FNDC3A: variants seen among roughly 807,000 people sequenced by gnomAD.
FNDC3A encodes fibronectin type III domain containing 3A.
FNDC3A carries 32 observed loss-of-function variants against 148.9 expected under a neutral mutation model. The observed-to-expected ratio is 0.21, with a 90% CI of 0.16 to 0.29. The LOEUF is 0.29. FNDC3A is among the 10% of genes least tolerant of loss of function. The pLI is 1.00. For missense variants in FNDC3A, 1,191 were observed against 1,452.8 expected, an observed-to-expected ratio of 0.82 and a Z score of 2.93; for synonymous variants, 472 against 473.6, an observed-to-expected ratio of 1.00 and a Z score of 0.04.
chr13:49,147,393 T>C (rs1883054143), intron 8 of FNDC3A, among the ~76,000 whole-genome samples: 1 of 152,146 alleles, frequency 6.6e-6, no homozygotes. Context: ...ACATATTTAT[T>C]TTTCATCATA....
chr13:49,155,207 G>A (rs1012369817), intron 8 of FNDC3A, among the ~76,000 whole-genome samples: 1 of 152,076 alleles, frequency 6.6e-6, no homozygotes, highest in African/African-American at 2.4e-5. Flanking sequence ...CCTGTTATTG[G>A]TCTATTCAGG....
At chr13:48,983,689 A>G (rs575604181) in intron 1 of FNDC3A, among the ~76,000 whole-genome samples, 2 of 152,332 alleles carry the variant, frequency 1.3e-5, no homozygotes, top group East Asian at 1.9e-4. Flanking sequence ...GGCATTAAAC[A>G]CTTTCTGTAT....
chr13:49,128,505 C>A (rs1473747102), intron 4 of FNDC3A, among the ~76,000 whole-genome samples: 1 of 152,100 alleles, frequency 6.6e-6, no homozygotes, highest in African/African-American at 2.4e-5. Context: ...TGCACCTCCC[C>A]CACTGCCCCG....
intron 2 of FNDC3A, among the ~76,000 whole-genome samples, chr13:49,033,139 A>G (rs1310157978): frequency 6.6e-6 from 1 of 152,200 alleles, no homozygotes; most frequent in Non-Finnish European, 1.5e-5. Flanking sequence ...ATATACTGAC[A>G]TATTCCAAGA....
chr13:49,134,095 T>C (rs1019718882), intron 5 of FNDC3A, among the ~76,000 whole-genome samples: 1 of 152,206 alleles, frequency 6.6e-6, no homozygotes, highest in Non-Finnish European at 1.5e-5. Context: ...ATTCAGTATG[T>C]ACTGTATTAA....
rs375957129 is a variant in FNDC3A at position 48,995,637 on chromosome 13, A to T, written c.-39-10515A>T. ...TTATGTCTTCATAAAATTTCACATT[A>T]ACATATGGACATTTAAGGTGAACTG... On this transcript the variant is annotated intron_variant, in intron 1 of 25. Transcript: ENST00000492622. 9.5e-4 allele frequency among the ~76,000 whole-genome samples: 145 copies of T among 152,330 alleles called. 1 individual carries two copies. Among genetic ancestry groups the T allele is most frequent in the African/African-American group, 3.3e-3 (139 of 41,578 alleles).
intron 2 of FNDC3A, among the ~76,000 whole-genome samples, chr13:49,072,399 A>G (rs1877756864): frequency 6.6e-6 from 1 of 152,100 alleles, no homozygotes; most frequent in Non-Finnish European, 1.5e-5. Flanking sequence ...AAAGAAAATG[A>G]GTTGGCTCTA....
chr13:49,075,661 C>T (rs1297654381), intron 3 of FNDC3A, among the ~76,000 whole-genome samples: 1 of 152,184 alleles, frequency 6.6e-6, no homozygotes, highest in Non-Finnish European at 1.5e-5. Flanking sequence ...AAGATCATTT[C>T]AGCTTTTTAG....
chr13:49,113,202 A>G (rs566654421), intron 3 of FNDC3A, among the ~76,000 whole-genome samples: 2 of 140,358 alleles, frequency 1.4e-5, no homozygotes, highest in Middle Eastern at 3.8e-3. Flanking sequence ...TTCTTCTCTT[A>G]CCTCTCGCCT....
intron 1 of FNDC3A, among the ~76,000 whole-genome samples, chr13:48,982,038 T>A (rs2137546245): frequency 6.6e-6 from 1 of 152,268 alleles, no homozygotes; most frequent in Non-Finnish European, 1.5e-5. Context: ...AAACAGATAT[T>A]TAAGTACACT....
At chr13:49,161,073 G>T (rs993431150) in intron 8 of FNDC3A, among the ~76,000 whole-genome samples, 12 of 152,170 alleles carry the variant, frequency 7.9e-5, no homozygotes, top group Non-Finnish European at 1.8e-4. Context: ...GTCTGATGTG[G>T]TGCTGAGAAG....
intron 1 of FNDC3A, among the ~76,000 whole-genome samples, chr13:48,989,289 G>A (rs1174391889): frequency 1.3e-5 from 2 of 152,146 alleles, no homozygotes; most frequent in Non-Finnish European, 2.9e-5. Context: ...ACAAGATAAA[G>A]TTAACAGTAT....
chr13:48,998,901 G>A (rs1007320767), intron 1 of FNDC3A, among the ~76,000 whole-genome samples: 9 of 152,188 alleles, frequency 5.9e-5, no homozygotes, highest in African/African-American at 1.9e-4. Context: ...GAGATTAAAG[G>A]AAATAGAGAA....
rs201631830 is a variant in FNDC3A at position 49,052,431 on chromosome 13, C to CT, written c.100-22848dup. ...TGAATGGGGCTTCCTGAGAGCTGAACTTTTTTTTTTGACCTTCTGGGTCTA... is the reference window on the plus strand; with the variant it reads ...TGAATGGGGCTTCCTGAGAGCTGAACTTTTTTTTTTTGACCTTCTGGGTCTA... On this transcript the variant is annotated intron_variant, in intron 2 of 25. Coordinates refer to ENST00000492622, the MANE Select transcript of FNDC3A (RefSeq NM_001079673.2). Among the ~76,000 whole-genome samples the CT allele has an allele frequency of 3.1e-4, 46 of 149,328 alleles. No homozygotes were observed. The East Asian group carries it at 6.9e-3, about 22-fold the overall frequency.
chr13:49,128,968 A>G (rs1881867852), intron 4 of FNDC3A, among the ~76,000 whole-genome samples: 1 of 152,206 alleles, frequency 6.6e-6, no homozygotes, highest in Non-Finnish European at 1.5e-5. Flanking sequence ...CCTTTCTCAC[A>G]ACACTTCTAA....
intron 5 of FNDC3A, among the ~76,000 whole-genome samples, chr13:49,132,854 A>G (rs887516967): frequency 1.3e-5 from 2 of 152,176 alleles, no homozygotes; most frequent in Non-Finnish European, 1.5e-5. Flanking sequence ...TGAACTTTGT[A>G]TCTTTCACAG....
At chr13:49,013,267 A>T (rs1485104705) in intron 2 of FNDC3A, among the ~76,000 whole-genome samples, 2 of 152,162 alleles carry the variant, frequency 1.3e-5, no homozygotes, top group Admixed American at 1.3e-4. Context: ...ATAAGCTGTG[A>T]TTATGCAACT....
intron 19 of FNDC3A, among the ~76,000 whole-genome samples, chr13:49,194,585 C>T (rs941355503): frequency 6.6e-6 from 1 of 151,634 alleles, no homozygotes; most frequent in Non-Finnish European, 1.5e-5. Context: ...TACTATGAGT[C>T]CATGAAATAT....
chr13:49,104,480 C>T (rs544492871), intron 3 of FNDC3A, among the ~76,000 whole-genome samples: 6 of 84,268 alleles, frequency 7.1e-5, no homozygotes, highest in East Asian at 3.3e-4. Flanking sequence ...GCTGAGATCG[C>T]GCCACTGCAC....
Sources: allele counts gnomAD v4.1 joint callset (sites outside exome capture counted in the v4.1 genomes callset), GRCh38; gene constraint gnomAD v4.1.1; transcripts MANE v1.5; gene names NCBI Gene and HGNC (gene_info 2026-07-23, HGNC 2026-07-21).